Variants in CYFIP1 observed in about 807,000 individuals in gnomAD.
The protein encoded by CYFIP1 is cytoplasmic FMR1 interacting protein 1, also known as cytoplasmic FMR1-interacting protein 1.
Under a neutral mutation model 163.5 loss-of-function variants are expected in CYFIP1, and 58 were observed. That is an observed-to-expected ratio of 0.35 (90% CI 0.29 to 0.44). CYFIP1 has a LOEUF of 0.44. Ranked by LOEUF, CYFIP1 falls within the 20% of genes least tolerant of loss-of-function variation. CYFIP1 has a pLI of 1.00. For synonymous variants in CYFIP1, 663 were observed against 660.7 expected, an observed-to-expected ratio of 1.00 and a Z score of -0.05; for missense variants, 1,338 against 1,653.8, an observed-to-expected ratio of 0.81 and a Z score of 3.31.
At chr15:22,964,729 C>G (rs766420866) in intron 1 of CYFIP1, among the ~76,000 whole-genome samples, 3 of 152,180 alleles carry the variant, frequency 2.0e-5, no homozygotes, top group Non-Finnish European at 4.4e-5. Context: ...CATTCAACCC[C>G]TTCTTTAGAG....
rs2059500381 is a variant in CYFIP1 at position 22,873,709 on chromosome 15, C to T, written c.3231G>A (p.Glu1077=). The change falls in exon 29 of 31, where the codon GAG becomes GAA. Residue 1077 remains glutamate, a synonymous_variant. Coordinates refer to ENST00000617928, the MANE Select transcript of CYFIP1 (RefSeq NM_014608.6). ...GGCGCTCCTTTGTCAGCAGGTCCCC[C>T]TCTCTTGCGATGGCAATTTGCTGCA... ...GTPQQIAIAR[E]GDLLTKERLC... The T allele has an allele frequency of 3.1e-6, 5 of 1,613,120 alleles. No individual in the cohort carries two copies. The Admixed American group carries it at 6.7e-5, about 22-fold the overall frequency.
At chr15:22,945,800 C>G (rs2062039596) in intron 3 of CYFIP1, among the ~76,000 whole-genome samples, 1 of 150,782 alleles carries the variant, frequency 6.6e-6, no homozygotes, top group African/African-American at 2.4e-5. Flanking sequence ...CCAGGCTGGT[C>G]TCGAACTCCT....
intron 17 of CYFIP1, among the ~76,000 whole-genome samples, chr15:22,913,946 G>A (rs559878562): frequency 1.3e-5 from 2 of 152,306 alleles, no homozygotes; most frequent in South Asian, 4.1e-4. Flanking sequence ...GGAACTCAGG[G>A]GCTTCCCACT....
chr15:22,920,889 T>G (rs1018713474), intron 13 of CYFIP1, among the ~76,000 whole-genome samples: 1 of 152,196 alleles, frequency 6.6e-6, no homozygotes, highest in African/African-American at 2.4e-5. Flanking sequence ...AAAACCCATT[T>G]AAGTGAACAT....
Position 22,917,739 on chromosome 15 carries a change from GTGGGT to G in CYFIP1, c.1674+44_1674+48del, listed in dbSNP as rs756648203. 2.8e-5 allele frequency: 42 copies of G among 1,521,960 alleles called. No individual in the cohort carries two copies. The highest frequency in any genetic ancestry group is 3.6e-5 in the Non-Finnish European group (41 of 1,134,836). 94.3% of individuals were successfully genotyped at this position (1,521,960 alleles called of 1,614,324 possible). A position where few individuals can be genotyped will look rare whatever the true frequency, so the allele number is the denominator to read the frequency against. On this transcript the variant is annotated intron_variant, in intron 15 of 30. Transcript: ENST00000617928. The surrounding 1 kb of genome is among the most constrained non-coding windows in gnomAD (Gnocchi z 4.2). ...CAGCCCCACCCGCTCACAGCTCAGG[GTGGGT>G]CCCCCCAGGGAGAGGGTGCAGGCGG...
chr15:22,896,052 C>T (rs1044537845), intron 22 of CYFIP1, among the ~76,000 whole-genome samples: 2 of 152,144 alleles, frequency 1.3e-5, no homozygotes, highest in Non-Finnish European at 2.9e-5. Context: ...AGGGTGGATC[C>T]TGAACTGTAA....
chr15:22,918,934 G>A lies in CYFIP1; in HGVS notation c.1360-76C>T, dbSNP rs1278729520. 2.5e-6 allele frequency: 3 copies of A among 1,222,572 alleles called. No individual in the cohort carries two copies. In the African/African-American group the frequency reaches 4.5e-5, roughly 19 times the overall value. The allele number at this position is 1,222,572 out of a possible 1,614,324, so 75.7% of individuals were successfully genotyped here. ...CCTCCTCTGCCTGGCACATGCCGGG[G>A]GCTGCTCCTCCTCGCCCACAGCACC... On this transcript the variant is annotated intron_variant, in intron 13 of 30. Transcript: ENST00000617928.
At chr15:22,927,139 C>T (rs2061379907) in intron 12 of CYFIP1, among the ~76,000 whole-genome samples, 1 of 151,968 alleles carries the variant, frequency 6.6e-6, no homozygotes, top group Non-Finnish European at 1.5e-5. Context: ...GAGTTTGAGA[C>T]CAGCCTGGCC....
chr15:22,872,152 G>A lies in CYFIP1; in HGVS notation c.3597+673C>T, dbSNP rs568329207. ...AAATTACAAAATACAAAAATCAGCC[G>A]GGCGTGGTGGCAGGTGCCTATAATC... On this transcript the variant is annotated intron_variant, in intron 30 of 30. Transcript: ENST00000617928. 8.6e-4 allele frequency among the ~76,000 whole-genome samples: 130 copies of A among 151,892 alleles called. 1 individual carries two copies. Among genetic ancestry groups the A allele is most frequent in the Admixed American group, 8.3e-3 (126 of 15,248 alleles).
chr15:22,909,406 C>T, intron 20 of CYFIP1, 93 bp from the exon 21 acceptor site: 1 of 1,517,914 alleles, frequency 6.6e-7, no homozygotes, highest in South Asian at 1.2e-5. Context: ...AGAAGCTGGT[C>T]TGTCAATAAC....
At chr15:22,930,211 C>CAAAA (rs1555412881) in intron 11 of CYFIP1, among the ~76,000 whole-genome samples, 1 of 149,098 alleles carries the variant, frequency 6.7e-6, no homozygotes, top group Non-Finnish European at 1.5e-5. Context: ...AAAACACACA[C>CAAAA]AAAAAAAAAC....
intron 13 of CYFIP1, 27 bp downstream of exon 13, chr15:22,925,955 G>A: frequency 6.2e-7 from 1 of 1,609,290 alleles, no homozygotes. Context: ...GCGACATGAG[G>A]AAGAGCGAGC....
At chr15:22,916,691 A>T (rs1308680706) in intron 15 of CYFIP1, 61 bp from the exon 16 acceptor site, 1 of 1,614,022 alleles carries the variant, frequency 6.2e-7, no homozygotes, top group Non-Finnish European at 8.5e-7. Context: ...TAGTTATGCC[A>T]AACTCAAAAA....
At chr15:22,914,425 C>CT (rs112433925) in intron 17 of CYFIP1, among the ~76,000 whole-genome samples, 15,442 of 145,296 alleles carry the variant, frequency 0.11, 898 homozygotes, top group South Asian at 0.18. Context: ...CATGATTTCT[C>CT]TTTTTTTTTT....
chr15:22,899,040 G>A (rs1241718726), intron 22 of CYFIP1, among the ~76,000 whole-genome samples: 1 of 151,790 alleles, frequency 6.6e-6, no homozygotes, highest in Non-Finnish European at 1.5e-5. Context: ...GTCTCCTTAT[G>A]TTGCCTAGGC....
intron 21 of CYFIP1, among the ~76,000 whole-genome samples, chr15:22,905,791 G>A (rs546241247): frequency 2.7e-5 from 4 of 149,392 alleles, no homozygotes; most frequent in East Asian, 4.0e-4. Flanking sequence ...ACGGAGTCTC[G>A]CTCTGTCACC....
intron 11 of CYFIP1, among the ~76,000 whole-genome samples, chr15:22,931,848 C>T (rs570980879): frequency 6.6e-6 from 1 of 152,082 alleles, no homozygotes; most frequent in East Asian, 1.9e-4. Flanking sequence ...ATTATAATAC[C>T]ATCTTTTCAC....
chr15:22,882,895 C>T lies in CYFIP1; in HGVS notation c.2793G>A (p.Glu931=). Residue 931 remains glutamate, a synonymous_variant, in exon 24 of 31, where the codon GAG becomes GAA. Transcript: ENST00000617928. ...LGYQGIAVVM[E]ELLKVVKSLL... is the part of the protein sequence containing the mutation. ...GGCTCTTGACGACCTTCAGCAGCTC[C>T]TCCATGACCACGGCGATACCCTGGT... 1.2e-6 allele frequency: 2 copies of T among 1,613,838 alleles called. No homozygotes were observed. The highest frequency in any genetic ancestry group is 1.7e-6 in the Non-Finnish European group (2 of 1,179,816).
chr15:22,966,345 C>T (rs1218303543), intron 1 of CYFIP1, among the ~76,000 whole-genome samples: 1 of 150,282 alleles, frequency 6.7e-6, no homozygotes, highest in East Asian at 2.0e-4. Context: ...TGCACTCCAG[C>T]CTGGGCAACA....
Sources: allele counts gnomAD v4.1 joint callset (sites outside exome capture counted in the v4.1 genomes callset), GRCh38; gene constraint gnomAD v4.1.1; non-coding constraint Gnocchi (gnomAD v3.1); transcripts MANE v1.5; gene names NCBI Gene and HGNC (gene_info 2026-07-23, HGNC 2026-07-21).